The following PARD3B variants were observed in gnomAD, a reference collection of about 807,000 sequenced individuals.
The protein encoded by PARD3B is par-3 family cell polarity regulator beta.
PARD3B carries 103 observed loss-of-function variants against 130.2 expected under a neutral mutation model. The ratio of observed to expected loss-of-function variants is 0.79; its 90% CI spans 0.67 to 0.93. PARD3B has a LOEUF of 0.93. Ranked by LOEUF, PARD3B falls within the 40% of genes least tolerant of loss-of-function variation. The pLI is 0.00. For missense variants in PARD3B, 1,609 were observed against 1,499.2 expected (o/e 1.07, Z -1.21); for synonymous variants, 583 against 553.2 (o/e 1.05, Z -0.76).
chr2:204,637,466 T>A (rs2034924817), intron 1 of PARD3B, among the ~76,000 whole-genome samples: 1 of 152,130 alleles, frequency 6.6e-6, no homozygotes, highest in African/African-American at 2.4e-5. Context: ...ACATAATGTC[T>A]GAGATAGATG....
At chr2:205,270,159 T>A (rs908585825) in intron 16 of PARD3B, among the ~76,000 whole-genome samples, 2 of 152,136 alleles carry the variant, frequency 1.3e-5, no homozygotes, top group Non-Finnish European at 2.9e-5. Flanking sequence ...TTTAAAAAAA[T>A]TTTAAAAGTA....
In PARD3B at chr2:204,610,221, A is replaced by G. The variant is rs544963168; in HGVS notation, c.120+64102A>G. 3.9e-5 allele frequency among the ~76,000 whole-genome samples: 6 copies of G among 152,276 alleles called. No homozygotes were observed. In the South Asian group the frequency reaches 1.2e-3, roughly 32 times the overall value. On this transcript the variant is annotated intron_variant, in intron 1 of 22. Transcript: ENST00000406610. This position sits in a 1 kb window ranked among gnomAD's most constrained non-coding sequence, Gnocchi z 4.1. The stretch of plus-strand genomic sequence containing the variant: ...CCTTGGCCATGAGGGACATCCATTC[A>G]GACAGTTGGGGGGCTTAGGATTTCA...
chr2:204,894,076 G>T (rs924421648), intron 2 of PARD3B, among the ~76,000 whole-genome samples: 9 of 151,386 alleles, frequency 5.9e-5, no homozygotes, highest in Non-Finnish European at 1.2e-4. Context: ...AAAGTTAATT[G>T]CCATTTCAAC....
At chr2:204,564,891 C>CT (rs2031575279) in intron 1 of PARD3B, among the ~76,000 whole-genome samples, 1 of 152,176 alleles carries the variant, frequency 6.6e-6, no homozygotes, top group African/African-American at 2.4e-5. Context: ...GTTATAGTTT[C>CT]TTTTTCTTGC....
chr2:205,161,586 C>T (rs2034509273), intron 11 of PARD3B, among the ~76,000 whole-genome samples: 1 of 152,190 alleles, frequency 6.6e-6, no homozygotes, highest in Non-Finnish European at 1.5e-5. Flanking sequence ...CGGAAAATTG[C>T]CACCCATTCT....
intron 3 of PARD3B, among the ~76,000 whole-genome samples, chr2:205,008,087 G>C (rs1280975190): frequency 3.3e-5 from 5 of 152,106 alleles, no homozygotes; most frequent in African/African-American, 1.2e-4. Context: ...AAGAGTGGAA[G>C]AAAGAGTGGT....
chr2:204,609,208 A>G (rs2033838637), intron 1 of PARD3B, among the ~76,000 whole-genome samples: 1 of 152,190 alleles, frequency 6.6e-6, no homozygotes, highest in Non-Finnish European at 1.5e-5. Context: ...TTAAAGCATA[A>G]TGTATTCTAA....
intron 16 of PARD3B, among the ~76,000 whole-genome samples, chr2:205,251,483 G>A (rs1474502006): frequency 2.6e-5 from 4 of 152,104 alleles, no homozygotes; most frequent in African/African-American, 9.7e-5. Context: ...GTTCAAATGT[G>A]ACCTAAGAAA....
rs59171178 is a variant in PARD3B at position 205,567,304 on chromosome 2, G to GT, written c.3260+13929dup. Among the ~76,000 whole-genome samples the GT allele has an allele frequency of 5.1e-4, 29 of 56,372 alleles. 1 individual carries two copies. The highest frequency in any genetic ancestry group is 1.8e-3 in the African/African-American group (26 of 14,652). The allele number at this position is 56,372 out of a possible 152,430, so 37.0% of individuals were successfully genotyped here. ...GGATAAAGAATATAGAACATTCCTTGTTTTTTTTTTTTTTTTTTTTTTTTT... is the reference window on the plus strand; with the variant it reads ...GGATAAAGAATATAGAACATTCCTTGTTTTTTTTTTTTTTTTTTTTTTTTTT... On this transcript the variant is annotated intron_variant, in intron 22 of 22. Transcript: ENST00000406610.
In PARD3B at chr2:205,584,679, AAAAT is replaced by A. The variant is rs991910044; in HGVS notation, c.3261-30765_3261-30762del. Among the ~76,000 whole-genome samples, 5 of 152,138 alleles carry A rather than the reference AAAAT, an allele frequency of 3.3e-5. No homozygotes were observed. The highest frequency in any genetic ancestry group is 6.5e-5 in the Admixed American group (1 of 15,274). On this transcript the variant is annotated intron_variant, in intron 22 of 22. Coordinates refer to ENST00000406610, the MANE Select transcript of PARD3B (RefSeq NM_001302769.2). This position sits in a 1 kb window ranked among gnomAD's most constrained non-coding sequence, Gnocchi z 5.5. ...GGCAACAGAGCAAAACTCCATCTCA[AAAAT>A]AAATAAATAAAAATAAATAAATAAA...
At chr2:205,243,360 T>A (rs556382417) in intron 15 of PARD3B, among the ~76,000 whole-genome samples, 20 of 152,322 alleles carry the variant, frequency 1.3e-4, no homozygotes, top group African/African-American at 4.8e-4. Context: ...CATGTAATCA[T>A]CACCACAAAC....
rs898525678 is a variant in PARD3B at position 204,610,441 on chromosome 2, G to C, written c.120+64322G>C. Reference sequence around the variant, plus strand: ...CACGGTCTTGGCTTACTGCAACCTCGACCTCCCATGTTAAAGCGATTCTCC... The same window carrying C: ...CACGGTCTTGGCTTACTGCAACCTCCACCTCCCATGTTAAAGCGATTCTCC... On this transcript the variant is annotated intron_variant, in intron 1 of 22. Transcript: ENST00000406610. The surrounding 1 kb of genome is among the most constrained non-coding windows in gnomAD (Gnocchi z 4.1). 6.6e-6 allele frequency among the ~76,000 whole-genome samples: 1 copy of C among 152,018 alleles called. No individual in the cohort carries two copies. The highest frequency in any genetic ancestry group is 1.5e-5 in the Non-Finnish European group (1 of 68,002).
chr2:205,559,515 G>T (rs1025228871), intron 22 of PARD3B, among the ~76,000 whole-genome samples: 1 of 151,026 alleles, frequency 6.6e-6, no homozygotes, highest in African/African-American at 2.4e-5. Flanking sequence ...TTGACAGTTG[G>T]TTTTAGATTG....
intron 18 of PARD3B, among the ~76,000 whole-genome samples, chr2:205,361,227 A>G (rs1377053231): frequency 1.3e-5 from 2 of 152,184 alleles, no homozygotes; most frequent in Non-Finnish European, 2.9e-5. Context: ...CTGCACATTC[A>G]TCTCTGCAGG....
chr2:205,457,644 T>C (rs1181011900), intron 20 of PARD3B, among the ~76,000 whole-genome samples: 1 of 152,112 alleles, frequency 6.6e-6, no homozygotes, highest in East Asian at 1.9e-4. Context: ...AACAGTTTTA[T>C]TTCATCTTTA....
At chr2:205,096,293 T>TCTG (rs760649189) in intron 4 of PARD3B, among the ~76,000 whole-genome samples, 10 of 152,142 alleles carry the variant, frequency 6.6e-5, no homozygotes, top group Non-Finnish European at 1.2e-4. Flanking sequence ...GGAGGTGATG[T>TCTG]GTCTGGTCAC....
rs573609774 is a variant in PARD3B at position 204,900,237 on chromosome 2, A to T, written c.223-64915A>T. Among the ~76,000 whole-genome samples the T allele has an allele frequency of 1.4e-4, 22 of 152,234 alleles. No homozygotes were observed. The South Asian group carries it at 4.2e-3, about 29-fold the overall frequency. On this transcript the variant is annotated intron_variant, in intron 2 of 22. Transcript: ENST00000406610. Reference sequence around the variant, plus strand: ...TCTCTTTACATCCTCTTTAAGGCCAATAACTCTTAGATTTGCCCTTTTGAG... The same window carrying T: ...TCTCTTTACATCCTCTTTAAGGCCATTAACTCTTAGATTTGCCCTTTTGAG...
In PARD3B at chr2:205,160,289, A is replaced by G. The variant is rs1474284792; in HGVS notation, c.1620+1382A>G. ...GAGCTGGGGTTTGGGTAGGATTCTG[A>G]TTCAGGCTGGTGTCTCTTGATCCCA... On this transcript the variant is annotated intron_variant, in intron 11 of 22. Coordinates refer to ENST00000406610, the MANE Select transcript of PARD3B (RefSeq NM_001302769.2). The surrounding 1 kb of genome is among the most constrained non-coding windows in gnomAD (Gnocchi z 4.0). 6.6e-6 allele frequency among the ~76,000 whole-genome samples: 1 copy of G among 152,142 alleles called. No homozygotes were observed. Among genetic ancestry groups the G allele is most frequent in the African/African-American group, 2.4e-5 (1 of 41,434 alleles).
intron 18 of PARD3B, among the ~76,000 whole-genome samples, chr2:205,354,292 G>C (rs1574785725): frequency 6.6e-6 from 1 of 151,606 alleles, no homozygotes; most frequent in Non-Finnish European, 1.5e-5. Context: ...TTCAGTTACC[G>C]GTCAGGGAAC....
Sources: gnomAD v4.1 joint callset for allele counts (sites outside exome capture counted in the v4.1 genomes callset) on GRCh38, gnomAD v4.1.1 for gene constraint, Gnocchi (gnomAD v3.1) non-coding constraint, MANE v1.5 for transcripts, NCBI Gene and HGNC (gene_info 2026-07-23, HGNC 2026-07-21) for gene names.